Variants in P2RX7 observed in about 807,000 individuals in gnomAD.
The protein encoded by P2RX7 is P2X purinoceptor 7.
Under a neutral mutation model 71.6 loss-of-function variants are expected in P2RX7, and 62 were observed. The observed-to-expected ratio is 0.87, with a 90% CI of 0.71 to 1.07. P2RX7 has a LOEUF of 1.07. P2RX7 is among the 50% of genes least tolerant of loss of function. P2RX7 has a pLI of 0.00. For missense variants in P2RX7, 686 were observed against 748.5 expected, an observed-to-expected ratio of 0.92 and a Z score of 0.97; for synonymous variants, 299 against 283.3, an observed-to-expected ratio of 1.06 and a Z score of -0.56.
intron 2 of P2RX7, among the ~76,000 whole-genome samples, chr12:121,155,579 G>A (rs1878415650): frequency 6.6e-6 from 1 of 152,044 alleles, no homozygotes; most frequent in Admixed American, 6.6e-5. Context: ...GGCTTGGGGA[G>A]CTAAAATGCT....
At chr12:121,163,010 T>G (rs759623654) in intron 5 of P2RX7, among the ~76,000 whole-genome samples, 2 of 152,066 alleles carry the variant, frequency 1.3e-5, no homozygotes, top group Non-Finnish European at 2.9e-5. Flanking sequence ...ATTAAATGCT[T>G]ACAATGACAT....
chr12:121,176,269 A>ACACACACACACACACT (rs1491052308), intron 9 of P2RX7, among the ~76,000 whole-genome samples: 3 of 141,650 alleles, frequency 2.1e-5, no homozygotes, highest in African/African-American at 7.9e-5. Context: ...ACACACACAC[A>ACACACACACACACACT]CTACATGGAC....
At chr12:121,163,997 G>T (rs537007583) in intron 5 of P2RX7, among the ~76,000 whole-genome samples, 18 of 150,158 alleles carry the variant, frequency 1.2e-4, no homozygotes, top group African/African-American at 4.4e-4. Flanking sequence ...CTCCACTCAG[G>T]TTCATTTCTC....
rs141021297 is a variant in P2RX7 at position 121,168,844 on chromosome 12, A to C, written c.881+1220A>C. Reference sequence around the variant, plus strand: ...AAGTAACCACAGTGTGCATCTTTGCACATAAACTTCTCTTTGAATTCCAGG... The same window carrying C: ...AAGTAACCACAGTGTGCATCTTTGCCCATAAACTTCTCTTTGAATTCCAGG... On this transcript the variant is annotated intron_variant, in intron 8 of 12. Coordinates refer to ENST00000328963, the MANE Select transcript of P2RX7 (RefSeq NM_002562.6). Among the ~76,000 whole-genome samples, 1,454 of 152,360 alleles carry C rather than the reference A, an allele frequency of 9.5e-3. 20 individuals are homozygous for C. The highest frequency in any genetic ancestry group is 0.034 in the African/African-American group (1,405 of 41,586).
rs1294730760 is a variant in P2RX7, at chr12:121,174,082, C to T, written c.882-1306C>T. ...TTTTTTTTTTTGAGACAGTCTTGCT[C>T]TGTCACCCAGGCTAGAGCGCAGTGA... On this transcript the variant is annotated intron_variant, in intron 8 of 12. Transcript: ENST00000328963. Among the ~76,000 whole-genome samples, 2 of 116,962 alleles carry T rather than the reference C, an allele frequency of 1.7e-5. 1 individual carries two copies. The highest frequency in any genetic ancestry group is 5.4e-4 in the South Asian group (2 of 3,734). 76.7% of individuals were successfully genotyped at this position (116,962 alleles called of 152,430 possible). A position where few individuals can be genotyped will look rare whatever the true frequency, so the allele number is the denominator to read the frequency against.
intron 1 of P2RX7, among the ~76,000 whole-genome samples, chr12:121,141,872 A>T (rs887349216): frequency 2.0e-5 from 3 of 152,164 alleles, no homozygotes; most frequent in African/African-American, 7.2e-5. Flanking sequence ...CACACAATCC[A>T]TGTCACAGCT....
At chr12:121,155,518 G>C in intron 2 of P2RX7, 1 of 737,334 alleles carries the variant, frequency 1.4e-6, no homozygotes, top group Non-Finnish European at 2.0e-6. Flanking sequence ...GTAGGGTTGA[G>C]GAGTCCAAAA....
chr12:121,183,403 T>C (rs1884447780), intron 12 of P2RX7, among the ~76,000 whole-genome samples: 1 of 150,306 alleles, frequency 6.7e-6, no homozygotes, highest in Non-Finnish European at 1.5e-5. Context: ...AAACTCTGTC[T>C]CTACTAAAAA....
rs1555224747 is a variant in P2RX7 at position 121,154,302 on chromosome 12, A to AG, written c.126-483_126-482insG. On this transcript the variant is annotated intron_variant, in intron 1 of 12. Coordinates refer to ENST00000328963, the MANE Select transcript of P2RX7 (RefSeq NM_002562.6). This position sits in a 1 kb window ranked among gnomAD's most constrained non-coding sequence, Gnocchi z 4.2. ...CAAAACTCTGTTTCAAAAAAAAAAA[A>AG]AGAGAGAGAGAGAGAGTAGCTGCCA... Among the ~76,000 whole-genome samples, 8 of 151,336 alleles carry AG rather than the reference A, an allele frequency of 5.3e-5. No individual in the cohort carries two copies. Among genetic ancestry groups the AG allele is most frequent in the African/African-American group, 1.5e-4 (6 of 41,198 alleles).
At chr12:121,164,059 C>T (rs1293061942) in intron 5 of P2RX7, among the ~76,000 whole-genome samples, 1 of 152,274 alleles carries the variant, frequency 6.6e-6, no homozygotes, top group East Asian at 1.9e-4. Context: ...CTGGGAGATA[C>T]AGCAGCCTCC....
chr12:121,150,901 T>C (rs1877251899), intron 1 of P2RX7, among the ~76,000 whole-genome samples: 1 of 152,104 alleles, frequency 6.6e-6, no homozygotes, highest in Non-Finnish European at 1.5e-5. Context: ...AGAGTGAGAC[T>C]CCGTCTCAAA....
Position 121,184,483 on chromosome 12 carries a change from G to A in P2RX7, c.1469G>A (p.Ser490Asn), listed in dbSNP as rs570159270. 2.5e-6 allele frequency: 4 copies of A among 1,614,156 alleles called. No homozygotes were observed. In the East Asian group the frequency reaches 6.7e-5, roughly 27 times the overall value. The change falls in exon 13 of 13, where the codon AGC (serine) becomes AAC (asparagine). Residue 490 changes from serine to asparagine, a missense_variant. Physicochemically the swap from Ser to Asn is conservative, Grantham distance 46. Coordinates refer to ENST00000328963, the MANE Select transcript of P2RX7 (RefSeq NM_002562.6). ...TGCCTCCCATCTCAACTCCCTGAGAGCCACAGGTGCCTGGAGGAGCTGTGC... is the reference window on the plus strand; with the variant it reads ...TGCCTCCCATCTCAACTCCCTGAGAACCACAGGTGCCTGGAGGAGCTGTGC... Reference protein sequence around the residue: ...GSCLPSQLPESHRCLEELCCR... With the variant: ...GSCLPSQLPENHRCLEELCCR...
At chr12:121,162,391 A>T (rs373664725) in intron 4 of P2RX7, 33 bp from the exon 5 acceptor site, 93 of 1,612,670 alleles carry the variant, frequency 5.8e-5, no homozygotes, top group Non-Finnish European at 7.6e-5. Flanking sequence ...GTTCTTTCAC[A>T]TCTGTGGTTC....
intron 1 of P2RX7, among the ~76,000 whole-genome samples, chr12:121,148,168 A>G (rs1876605889): frequency 6.6e-6 from 1 of 151,792 alleles, no homozygotes; most frequent in South Asian, 2.1e-4. Context: ...GCCTATGGGA[A>G]TGACTTGGGC....
At chr12:121,147,116 T>C (rs1364369056) in intron 1 of P2RX7, among the ~76,000 whole-genome samples, 1 of 152,160 alleles carries the variant, frequency 6.6e-6, no homozygotes, top group African/African-American at 2.4e-5. Context: ...ACACCAGCAA[T>C]GAACATTTGA....
intron 8 of P2RX7, 28 bp downstream of exon 8, chr12:121,167,652 C>T (rs1881371686): frequency 1.3e-6 from 2 of 1,494,912 alleles, no homozygotes; most frequent in East Asian, 2.5e-5. Context: ...GTCAAACTCA[C>T]CCAGTGGCTG....
intron 8 of P2RX7, among the ~76,000 whole-genome samples, chr12:121,167,940 G>A (rs1470362068): frequency 6.6e-6 from 1 of 151,680 alleles, no homozygotes; most frequent in Non-Finnish European, 1.5e-5. Context: ...AGCCTCCCAA[G>A]TAGCTGAGAT....
At chr12:121,155,161 G>T in intron 2 of P2RX7, 1 of 1,499,964 alleles carries the variant, frequency 6.7e-7, no homozygotes, top group East Asian at 2.6e-5. Context: ...AGTCCTACAG[G>T]GTTTCTCAAA....
chr12:121,167,011 C>T (rs1421380297), intron 7 of P2RX7, among the ~76,000 whole-genome samples: 3 of 149,488 alleles, frequency 2.0e-5, no homozygotes, highest in Admixed American at 6.7e-5. Flanking sequence ...GAGATCGCAC[C>T]ACTGCACTCC....
Sources: gnomAD v4.1 joint callset for allele counts (sites outside exome capture counted in the v4.1 genomes callset) on GRCh38, gnomAD v4.1.1 for gene constraint, Gnocchi (gnomAD v3.1) non-coding constraint, MANE v1.5 for transcripts, NCBI Gene and HGNC (gene_info 2026-07-23, HGNC 2026-07-21) for gene names.